Variants in AXDND1 observed in about 807,000 individuals in gnomAD.
AXDND1 encodes the protein axonemal dynein light chain domain-containing protein 1.
In AXDND1, 110 loss-of-function variants were observed where a neutral mutation model predicts 137.5. The ratio of observed to expected loss-of-function variants is 0.80; its 90% confidence interval spans 0.69 to 0.94. The LOEUF is 0.94. Ranked by LOEUF, AXDND1 falls within the 40% of genes least tolerant of loss-of-function variation. The pLI is 0.00. For missense variants in AXDND1, 1,191 were observed against 1,169.8 expected, an observed-to-expected ratio of 1.02 and a Z score of -0.26; for synonymous variants, 414 against 399.7, an observed-to-expected ratio of 1.04 and a Z score of -0.43.
chr1:179,536,749 A>G (rs939120311), intron 25 of AXDND1, among the ~76,000 whole-genome samples: 3 of 152,198 alleles, frequency 2.0e-5, no homozygotes, highest in Non-Finnish European at 4.4e-5. Context: ...TTCTGTGAAG[A>G]AAGTGAGTGG....
At chr1:179,435,417 C>G (rs563411989) in intron 15 of AXDND1, among the ~76,000 whole-genome samples, 1 of 152,118 alleles carries the variant, frequency 6.6e-6, no homozygotes, top group African/African-American at 2.4e-5. Flanking sequence ...AAGCTGGAGG[C>G]ATCATGCTAC....
intron 4 of AXDND1, 108 bp from the exon 5 acceptor site, chr1:179,378,529 A>C: frequency 1.2e-6 from 1 of 821,994 alleles, no homozygotes; most frequent in Non-Finnish European, 1.7e-6. Flanking sequence ...TTTTGCTGAC[A>C]CAGAGGACCA....
At chr1:179,428,945 G>A (rs933861401) in intron 12 of AXDND1, among the ~76,000 whole-genome samples, 5 of 151,760 alleles carry the variant, frequency 3.3e-5, no homozygotes, top group African/African-American at 9.7e-5. Flanking sequence ...TTGGGAGGCC[G>A]AGGCAGGCAG....
chr1:179,449,144 C>G (rs1448188502), intron 16 of AXDND1: 10 of 454,176 alleles, frequency 2.2e-5, no homozygotes, highest in Non-Finnish European at 3.1e-5. Context: ...CTTCAGCCCC[C>G]CAAAGTGCTG....
chr1:179,395,795 T>C (rs1274651946), intron 11 of AXDND1, among the ~76,000 whole-genome samples: 1 of 152,196 alleles, frequency 6.6e-6, no homozygotes, highest in Admixed American at 6.5e-5. Context: ...TCATTTACCT[T>C]TCATGAATTA....
intron 21 of AXDND1, among the ~76,000 whole-genome samples, chr1:179,509,742 A>G (rs972078500): frequency 6.6e-6 from 1 of 152,122 alleles, no homozygotes; most frequent in African/African-American, 2.4e-5. Flanking sequence ...CTTTCCATTT[A>G]AGGTTATTTC....
intron 21 of AXDND1, 70 bp downstream of exon 21, chr1:179,509,473 C>A: frequency 9.9e-7 from 1 of 1,008,666 alleles, no homozygotes; most frequent in Non-Finnish European, 1.5e-6. Flanking sequence ...AGGTTCACAG[C>A]TTTTTCCAAT....
intron 21 of AXDND1, 77 bp downstream of exon 21, chr1:179,509,480 C>A: frequency 1.1e-6 from 1 of 945,814 alleles, no homozygotes; most frequent in Non-Finnish European, 1.6e-6. Flanking sequence ...CAGCTTTTTC[C>A]AATCAATGTT....
intron 25 of AXDND1, among the ~76,000 whole-genome samples, chr1:179,540,467 G>A (rs545709866): frequency 6.6e-6 from 1 of 152,294 alleles, no homozygotes; most frequent in South Asian, 2.1e-4. Flanking sequence ...CAAGTCTGTT[G>A]GAGTTTGCTG....
intron 20 of AXDND1, among the ~76,000 whole-genome samples, chr1:179,495,915 A>G (rs1380249756): frequency 6.7e-5 from 3 of 44,962 alleles, no homozygotes; most frequent in Non-Finnish European, 1.4e-4. Context: ...TTTTTTTTTT[A>G]GTCAGTAATG....
intron 18 of AXDND1, among the ~76,000 whole-genome samples, chr1:179,483,524 G>T (rs1265662713): frequency 5.9e-5 from 9 of 152,164 alleles, no homozygotes; most frequent in Admixed American, 5.2e-4. Flanking sequence ...AAGAAAAAGG[G>T]TAACAGAGTG....
chr1:179,522,685 A>G (rs1670174801), intron 21 of AXDND1, among the ~76,000 whole-genome samples: 1 of 151,774 alleles, frequency 6.6e-6, no homozygotes, highest in Admixed American at 6.6e-5. Context: ...TAGATGCAAA[A>G]AGCAGTCTAG....
At position 179,489,155 on chromosome 1, in the gene AXDND1, T is replaced by A. The variant is rs1279332649; in HGVS notation, c.2092-2383T>A. 1.6e-5 allele frequency among the ~76,000 whole-genome samples: 2 copies of A among 125,728 alleles called. 1 individual carries two copies. The highest frequency in any genetic ancestry group is 7.1e-5 in the African/African-American group (2 of 28,276). The allele number at this position is 125,728 out of a possible 152,430, so 82.5% of individuals were successfully genotyped here. On this transcript the variant is annotated intron_variant, in intron 18 of 25. Coordinates refer to ENST00000367618, the MANE Select transcript of AXDND1 (RefSeq NM_144696.6). ...AGCAGTCAATTCATCTTAAAATGTC[T>A]TTTAAGAATTTTATATAAGAATCAC...
chr1:179,404,224 C>T (rs1428574020), intron 11 of AXDND1, among the ~76,000 whole-genome samples: 12 of 136,664 alleles, frequency 8.8e-5, no homozygotes, highest in African/African-American at 1.9e-4. Flanking sequence ...TTTTCTTTGT[C>T]TTTTTTTTTT....
intron 12 of AXDND1, among the ~76,000 whole-genome samples, chr1:179,412,785 T>C (rs772690638): frequency 5.9e-5 from 9 of 152,214 alleles, no homozygotes; most frequent in Non-Finnish European, 1.2e-4. Context: ...AAATTTTTTT[T>C]CCCACTGATT....
intron 21 of AXDND1, among the ~76,000 whole-genome samples, chr1:179,512,172 T>C (rs551588698): frequency 4.6e-5 from 7 of 152,308 alleles, no homozygotes; most frequent in African/African-American, 1.4e-4. Flanking sequence ...TCCAATGTTA[T>C]GTCTAGAATT....
intron 17 of AXDND1, among the ~76,000 whole-genome samples, chr1:179,477,984 C>T (rs1424539462): frequency 6.6e-6 from 1 of 151,806 alleles, no homozygotes; most frequent in African/African-American, 2.4e-5. Flanking sequence ...GCAGACAAAT[C>T]TTACAGCTTC....
At chr1:179,445,555 T>C (rs1659614000) in intron 16 of AXDND1, among the ~76,000 whole-genome samples, 1 of 152,152 alleles carries the variant, frequency 6.6e-6, no homozygotes, top group African/African-American at 2.4e-5. Flanking sequence ...AAGTTTGCTT[T>C]CTGTCTCTAT....
chr1:179,541,485 T>G (rs28689758), intron 25 of AXDND1, among the ~76,000 whole-genome samples: 48,447 of 133,526 alleles, frequency 0.36, 8,417 homozygotes, highest in East Asian at 0.58. Context: ...TTTTGTTTTT[T>G]TTTTTTTTTT....
Sources: allele counts gnomAD v4.1 joint callset (sites outside exome capture counted in the v4.1 genomes callset), GRCh38; gene constraint gnomAD v4.1.1; transcripts MANE v1.5; gene names NCBI Gene and HGNC (gene_info 2026-07-23, HGNC 2026-07-21).